Variants in COL4A3 observed in about 807,000 individuals in gnomAD.
COL4A3 encodes the protein collagen type IV alpha 3 chain.
A neutral mutation model predicts 217.4 loss-of-function variants in COL4A3; 135 were observed. That is an observed-to-expected ratio of 0.62 (90% confidence interval 0.54 to 0.72). The LOEUF (loss-of-function observed/expected upper bound fraction) is 0.72. Among genes scored for constraint, COL4A3 ranks in the 30% least tolerant of loss-of-function variants. COL4A3 has a pLI of 0.00. For synonymous variants in COL4A3, 690 were observed against 736.3 expected (o/e 0.94, Z 1.02); for missense variants, 1,868 against 2,119.9 (o/e 0.88, Z 2.33).
intron 38 of COL4A3, chr2:227,293,607 CATA>C (rs1453413477): frequency 4.1e-6 from 2 of 486,120 alleles, no homozygotes; most frequent in African/African-American, 2.0e-5. Flanking sequence ...GTTATACAAT[CATA>C]ATGTTTGTAT....
At position 227,314,679 on chromosome 2, in the gene COL4A3, T is replaced by C. The variant is rs1283216322; in HGVS notation, c.*2809T>C. Reference sequence around the variant, plus strand: ...TATATTTAAAATATATTGAATATTTTATATTGTTATATCCTGACAAGATTA... The same window carrying C: ...TATATTTAAAATATATTGAATATTTCATATTGTTATATCCTGACAAGATTA... On this transcript the variant is annotated 3_prime_UTR_variant, in exon 52 of 52. Transcript: ENST00000396578. The C allele has an allele frequency of 6.6e-6, 1 of 151,748 alleles. No individual in the cohort carries two copies. The highest frequency in any genetic ancestry group is 1.9e-4 in the East Asian group (1 of 5,204). The allele number at this position is 151,748 out of a possible 1,614,324, so 9.4% of individuals were successfully genotyped here.
At chr2:227,238,735 C>A (rs575237435) in intron 2 of COL4A3, among the ~76,000 whole-genome samples, 8 of 151,874 alleles carry the variant, frequency 5.3e-5, no homozygotes, top group African/African-American at 2.4e-5. Context: ...AAACTAATTT[C>A]TATATAATGT....
At chr2:227,261,035 A>G in intron 19 of COL4A3, 47 bp from the exon 20 acceptor site, 4 of 1,506,356 alleles carry the variant, frequency 2.7e-6, no homozygotes, top group Non-Finnish European at 3.7e-6. Context: ...TGGATGGGAC[A>G]GCATTTATAT....
chr2:227,189,164 G>T (rs2066139978), intron 1 of COL4A3, among the ~76,000 whole-genome samples: 2 of 152,130 alleles, frequency 1.3e-5, no homozygotes, highest in South Asian at 2.1e-4. Context: ...TGGGGAGAAA[G>T]GCAGGGCTCC....
rs1259696230 is a variant in COL4A3, at chr2:227,282,598, T to C, written c.2656+66T>C. ...TTCTTCTTAAGGTGGCTCTGTCAACTGTACATAGGCATACGCTTTTTACTC... is the reference window on the plus strand; with the variant it reads ...TTCTTCTTAAGGTGGCTCTGTCAACCGTACATAGGCATACGCTTTTTACTC... On this transcript the variant is annotated intron_variant, in intron 32 of 51. Coordinates refer to ENST00000396578, the MANE Select transcript of COL4A3 (RefSeq NM_000091.5). This position sits in a 1 kb window ranked among gnomAD's most constrained non-coding sequence, Gnocchi z 4.4. 7 of 1,398,662 alleles carry C rather than the reference T, an allele frequency of 5.0e-6. No individual in the cohort carries two copies. The highest frequency in any genetic ancestry group is 6.1e-6 in the Non-Finnish European group (6 of 985,914). 86.6% of individuals were successfully genotyped at this position (1,398,662 alleles called of 1,614,324 possible).
chr2:227,296,608 A>G, intron 41 of COL4A3: 1 of 585,926 alleles, frequency 1.7e-6, no homozygotes, highest in Middle Eastern at 8.4e-4. Flanking sequence ...TTTAATGAAC[A>G]TGAAATATAT....
intron 1 of COL4A3, among the ~76,000 whole-genome samples, chr2:227,232,574 G>C (rs1303446188): frequency 6.6e-6 from 1 of 151,972 alleles, no homozygotes; most frequent in African/African-American, 2.4e-5. Context: ...TTTAACTGGG[G>C]TGAGATGATA....
chr2:227,282,410 GC>G lies in COL4A3; in HGVS notation c.2535del (p.Leu846TrpfsTer37), dbSNP rs993103826. On this transcript the variant is annotated frameshift_variant, in exon 32 of 52. Transcript: ENST00000396578. LOFTEE classifies it high-confidence loss of function. The surrounding 1 kb of genome is among the most constrained non-coding windows in gnomAD (Gnocchi z 4.4). ...CCAAAGGGAGACCCAGGAATTCCAG[GC>G]TTGGATAGATCAGGATTTCCTGGAG... is the stretch of plus-strand genomic sequence containing the variant. Reference protein sequence around the residue: ...TGPKGDPGIPGLDRSGFPGET... With the variant: ...TGPKGDPGIPXLDRSGFPGET... 4 of 1,613,318 alleles carry G rather than the reference GC, an allele frequency of 2.5e-6. No homozygotes were observed. The African/African-American group carries it at 5.4e-5, about 22-fold the overall frequency.
chr2:227,200,591 A>G (rs1298244360), intron 1 of COL4A3, among the ~76,000 whole-genome samples: 1 of 152,228 alleles, frequency 6.6e-6, no homozygotes, highest in African/African-American at 2.4e-5. Context: ...GGCAGGACTC[A>G]AAAATCTGCT....
intron 1 of COL4A3, among the ~76,000 whole-genome samples, chr2:227,172,205 G>T (rs2065501890): frequency 1.3e-5 from 2 of 152,168 alleles, no homozygotes; most frequent in Non-Finnish European, 2.9e-5. Flanking sequence ...TTCATTTCTT[G>T]GGAGACTGCC....
chr2:227,277,636 A>G, intron 28 of COL4A3, 83 bp downstream of exon 28: 1 of 778,146 alleles, frequency 1.3e-6, no homozygotes, highest in Non-Finnish European at 2.2e-6. Flanking sequence ...TGAGTAAAAT[A>G]CAATATGAAG....
intron 47 of COL4A3, among the ~76,000 whole-genome samples, chr2:227,306,323 C>G (rs1233727636): frequency 6.6e-6 from 1 of 152,120 alleles, no homozygotes; most frequent in Non-Finnish European, 1.5e-5. Context: ...TAGCCCTGGC[C>G]CCTTTCTTGG....
chr2:227,288,775 C>T (rs539831068), intron 34 of COL4A3, among the ~76,000 whole-genome samples: 8 of 152,270 alleles, frequency 5.3e-5, no homozygotes, highest in South Asian at 2.1e-4. Context: ...TAATGCTTGA[C>T]ACATATTATT....
intron 48 of COL4A3, among the ~76,000 whole-genome samples, chr2:227,308,565 T>G (rs2073609053): frequency 6.6e-6 from 1 of 152,250 alleles, no homozygotes; most frequent in African/African-American, 2.4e-5. Context: ...AACCTTTATT[T>G]GGTTATTAGC....
chr2:227,218,830 A>T (rs753037728), intron 1 of COL4A3, among the ~76,000 whole-genome samples: 1 of 152,194 alleles, frequency 6.6e-6, no homozygotes, highest in African/African-American at 2.4e-5. Context: ...AAATTATTTT[A>T]TATTTGTTTA....
In COL4A3 at chr2:227,253,685, G is replaced by C; in HGVS notation, c.765+47G>C. On this transcript the variant is annotated intron_variant, in intron 13 of 51. Transcript: ENST00000396578. This position sits in a 1 kb window ranked among gnomAD's most constrained non-coding sequence, Gnocchi z 4.4. ...TAGTGTTGTGCCTTCCCGTGTCTAGGATGAAGTCCTTGTGACCCTGCACCT... is the reference window on the plus strand; with the variant it reads ...TAGTGTTGTGCCTTCCCGTGTCTAGCATGAAGTCCTTGTGACCCTGCACCT... 6.6e-7 allele frequency: 1 copy of C among 1,515,854 alleles called. No individual in the cohort carries two copies. The allele number at this position is 1,515,854 out of a possible 1,614,324, so 93.9% of individuals were successfully genotyped here. A position where few individuals can be genotyped will look rare whatever the true frequency, so the allele number is the denominator to read the frequency against.
chr2:227,172,560 T>A (rs1347505386), intron 1 of COL4A3, among the ~76,000 whole-genome samples: 3 of 150,768 alleles, frequency 2.0e-5, no homozygotes, highest in Admixed American at 2.0e-4. Flanking sequence ...CTTCATCATC[T>A]TCTTCTTTCT....
chr2:227,190,286 T>A (rs540173669), intron 1 of COL4A3, among the ~76,000 whole-genome samples: 2 of 152,368 alleles, frequency 1.3e-5, no homozygotes, highest in Non-Finnish European at 2.9e-5. Context: ...CATCTTGGCG[T>A]GCCTGCTCCA....
intron 1 of COL4A3, among the ~76,000 whole-genome samples, chr2:227,199,595 T>A (rs2066607801): frequency 6.6e-6 from 1 of 152,144 alleles, no homozygotes; most frequent in Non-Finnish European, 1.5e-5. Context: ...TGACCCAAGG[T>A]CAGGATTAAT....
Sources: allele counts gnomAD v4.1 joint callset (sites outside exome capture counted in the v4.1 genomes callset), GRCh38; gene constraint gnomAD v4.1.1; non-coding constraint Gnocchi (gnomAD v3.1); transcripts MANE v1.5; gene names NCBI Gene and HGNC (gene_info 2026-07-23, HGNC 2026-07-21).